The following CCBE1 variants were observed in gnomAD, a reference collection of about 807,000 sequenced individuals.
CCBE1 encodes the protein collagen and calcium-binding EGF domain-containing protein 1.
Under a neutral mutation model 50.0 loss-of-function variants are expected in CCBE1, and 37 were observed. The observed-to-expected ratio is 0.74, with a 90% confidence interval of 0.57 to 0.97. CCBE1 has a LOEUF of 0.97. CCBE1 is among the 50% of genes least tolerant of loss of function. CCBE1 has a pLI of 0.00. For synonymous variants in CCBE1, 234 were observed against 203.7 expected, an observed-to-expected ratio of 1.15 and a Z score of -1.27; for missense variants, 538 against 523.8, an observed-to-expected ratio of 1.03 and a Z score of -0.26.
intron 2 of CCBE1, among the ~76,000 whole-genome samples, chr18:59,628,466 C>G (rs2053814420): frequency 6.6e-6 from 1 of 152,166 alleles, no homozygotes; most frequent in South Asian, 2.1e-4. Flanking sequence ...TAATGCTCTT[C>G]CAGCCTAAAG....
intron 2 of CCBE1, among the ~76,000 whole-genome samples, chr18:59,556,159 T>C (rs2052654034): frequency 6.6e-6 from 1 of 152,222 alleles, no homozygotes; most frequent in Non-Finnish European, 1.5e-5. Flanking sequence ...CATGACACCT[T>C]GGCTGACCTA....
At chr18:59,461,315 T>C (rs951245771) in intron 5 of CCBE1, among the ~76,000 whole-genome samples, 17 of 151,676 alleles carry the variant, frequency 1.1e-4, no homozygotes, top group Non-Finnish European at 5.9e-5. Flanking sequence ...TTTTTTTTTT[T>C]TTTGCCAGAA....
At chr18:59,461,124 T>G (rs1366678758) in intron 5 of CCBE1, among the ~76,000 whole-genome samples, 1 of 152,092 alleles carries the variant, frequency 6.6e-6, no homozygotes, top group Non-Finnish European at 1.5e-5. Context: ...ATAAGGCAAC[T>G]GAGGCCCAGA....
chr18:59,591,245 C>CAAAA lies in CCBE1; in HGVS notation c.212+105380_212+105383dup, dbSNP rs58325003. Among the ~76,000 whole-genome samples, 13 of 2,116 alleles carry CAAAA rather than the reference C, an allele frequency of 6.1e-3. 5 individuals carry two copies. The highest frequency in any genetic ancestry group is 8.8e-3 in the Non-Finnish European group (13 of 1,480). The allele number at this position is 2,116 out of a possible 152,430, so 1.4% of individuals were successfully genotyped here. On this transcript the variant is annotated intron_variant, in intron 2 of 10. Transcript: ENST00000439986. ...TGGGCCACAGAGCGAGACTCCGTCT[C>CAAAA]AAAAAAAAAAAAAAAAAAAAAAAAA...
chr18:59,653,063 A>T (rs751581158), intron 2 of CCBE1, among the ~76,000 whole-genome samples: 2 of 152,202 alleles, frequency 1.3e-5, no homozygotes, highest in Non-Finnish European at 2.9e-5. Context: ...GTGGCATTGG[A>T]CCGTTCTAAA....
At chr18:59,659,500 T>A (rs1208044174) in intron 2 of CCBE1, among the ~76,000 whole-genome samples, 1 of 152,110 alleles carries the variant, frequency 6.6e-6, no homozygotes. Context: ...TGAGAAGTGA[T>A]TTGGTCGCAC....
At chr18:59,489,557 G>C (rs1322945028) in intron 2 of CCBE1, among the ~76,000 whole-genome samples, 1 of 152,076 alleles carries the variant, frequency 6.6e-6, no homozygotes, top group Non-Finnish European at 1.5e-5. Flanking sequence ...GGGATTACTG[G>C]GATGTGCCAC....
chr18:59,442,914 G>A (rs1598904161), intron 7 of CCBE1, among the ~76,000 whole-genome samples: 1 of 152,212 alleles, frequency 6.6e-6, no homozygotes, highest in East Asian at 1.9e-4. Flanking sequence ...CAGTTCCCTT[G>A]TTTCTAACTG....
At chr18:59,571,635 AATCT>A (rs948520758) in intron 2 of CCBE1, among the ~76,000 whole-genome samples, 4 of 152,226 alleles carry the variant, frequency 2.6e-5, no homozygotes, top group Non-Finnish European at 4.4e-5. Flanking sequence ...TAAAAAACAA[AATCT>A]ATCCTTATAG....
rs1912495393 is a variant in CCBE1, at chr18:59,480,083, T to C, written c.265+103A>G. 1.6e-5 allele frequency: 13 copies of C among 820,536 alleles called. No homozygotes were observed. In the South Asian group the frequency reaches 1.9e-4, roughly 12 times the overall value. 50.8% of individuals were successfully genotyped at this position (820,536 alleles called of 1,614,324 possible). ...TATACACAGACAGATACACAGATAA[T>C]CAGACACAGATAAGACCTATATTCC... On this transcript the variant is annotated intron_variant, in intron 3 of 10. Coordinates refer to ENST00000439986, the MANE Select transcript of CCBE1 (RefSeq NM_133459.4).
At chr18:59,603,510 T>C (rs1490923731) in intron 2 of CCBE1, among the ~76,000 whole-genome samples, 1 of 152,204 alleles carries the variant, frequency 6.6e-6, no homozygotes, top group Non-Finnish European at 1.5e-5. Flanking sequence ...GGAAGATACC[T>C]CCCTGCTTCA....
intron 2 of CCBE1, among the ~76,000 whole-genome samples, chr18:59,623,598 G>A (rs916366698): frequency 6.6e-6 from 1 of 152,144 alleles, no homozygotes; most frequent in African/African-American, 2.4e-5. Context: ...ATAATCAATG[G>A]CCGTGAGTTT....
intron 6 of CCBE1, among the ~76,000 whole-genome samples, chr18:59,453,821 A>T (rs1335482879): frequency 6.6e-6 from 1 of 152,214 alleles, no homozygotes; most frequent in Non-Finnish European, 1.5e-5. Context: ...AAACTAGCGA[A>T]TTGAGCAATC....
chr18:59,643,882 C>G (rs761755123), intron 2 of CCBE1, among the ~76,000 whole-genome samples: 1 of 152,152 alleles, frequency 6.6e-6, no homozygotes, highest in Non-Finnish European at 1.5e-5. Flanking sequence ...TTCTTCAGAA[C>G]CTTTAACATG....
intron 2 of CCBE1, among the ~76,000 whole-genome samples, chr18:59,652,413 G>C (rs540268517): frequency 1.3e-5 from 2 of 152,086 alleles, no homozygotes; most frequent in African/African-American, 2.4e-5. Context: ...GGTGAATGGG[G>C]TAAATTCCTC....
chr18:59,689,534 A>AT (rs1599139944), intron 2 of CCBE1, among the ~76,000 whole-genome samples: 1 of 152,232 alleles, frequency 6.6e-6, no homozygotes, highest in East Asian at 1.9e-4. Context: ...CTACCACCCC[A>AT]TTCTCTACAG....
chr18:59,669,650 G>GC (rs1568264779), intron 2 of CCBE1, among the ~76,000 whole-genome samples: 1 of 152,216 alleles, frequency 6.6e-6, no homozygotes. Context: ...AGGAACACCC[G>GC]CGGTGCCCTT....
chr18:59,567,046 G>A (rs898347900), intron 2 of CCBE1, among the ~76,000 whole-genome samples: 2 of 152,148 alleles, frequency 1.3e-5, no homozygotes. Flanking sequence ...GAGAGGATTA[G>A]GTCATTTCTA....
chr18:59,503,270 C>G (rs1195910397), intron 2 of CCBE1, among the ~76,000 whole-genome samples: 1 of 152,236 alleles, frequency 6.6e-6, no homozygotes, highest in East Asian at 1.9e-4. Flanking sequence ...CATCAGGATA[C>G]CTGGGTGTAA....
Sources: gnomAD v4.1 joint callset for allele counts (sites outside exome capture counted in the v4.1 genomes callset) on GRCh38, gnomAD v4.1.1 for gene constraint, MANE v1.5 for transcripts, NCBI Gene and HGNC (gene_info 2026-07-23, HGNC 2026-07-21) for gene names.